The following MYO5B variants were observed in gnomAD, a reference collection of about 807,000 sequenced individuals.
MYO5B encodes unconventional myosin-Vb.
MYO5B carries 143 observed loss-of-function variants against 229.3 expected under a neutral mutation model. The observed-to-expected ratio is 0.62, with a 90% CI of 0.54 to 0.72. MYO5B has a LOEUF of 0.72. Ranked by LOEUF, MYO5B falls within the 30% of genes least tolerant of loss-of-function variation. MYO5B has a pLI of 0.00. For synonymous variants in MYO5B, 918 were observed against 885.2 expected (o/e 1.04, Z -0.66); for missense variants, 2,321 against 2,331.0 (o/e 1.00, Z 0.09).
chr18:50,134,537 A>G (rs1261704928), intron 1 of MYO5B, among the ~76,000 whole-genome samples: 4 of 150,926 alleles, frequency 2.7e-5, no homozygotes, highest in Non-Finnish European at 5.9e-5. Flanking sequence ...CCTGGGCGAT[A>G]GAGTGAGACT....
chr18:50,119,084 A>G (rs1052554786), intron 1 of MYO5B, among the ~76,000 whole-genome samples: 25 of 152,228 alleles, frequency 1.6e-4, no homozygotes, highest in African/African-American at 3.6e-4. Context: ...TTTAGCATGT[A>G]TAAGAATCAC....
chr18:50,074,121 T>A (rs997701181), intron 1 of MYO5B, among the ~76,000 whole-genome samples: 1 of 152,000 alleles, frequency 6.6e-6, no homozygotes, highest in Non-Finnish European at 1.5e-5. Flanking sequence ...CTGGGGAGGC[T>A]CAGAATCATG....
intron 31 of MYO5B, 26 bp downstream of exon 31, chr18:49,853,423 G>A (rs772742576): frequency 6.2e-7 from 1 of 1,613,024 alleles, no homozygotes; most frequent in Admixed American, 1.7e-5. Context: ...TCCCAAAGCT[G>A]GGGTCCACTA....
chr18:50,030,196 C>T (rs2026372147), intron 4 of MYO5B, among the ~76,000 whole-genome samples: 1 of 152,162 alleles, frequency 6.6e-6, no homozygotes, highest in Non-Finnish European at 1.5e-5. Context: ...AGCATTCCAT[C>T]CCCATCATTA....
intron 1 of MYO5B, among the ~76,000 whole-genome samples, chr18:50,161,365 C>A (rs1279304856): frequency 1.3e-5 from 2 of 152,142 alleles, no homozygotes; most frequent in Non-Finnish European, 2.9e-5. Flanking sequence ...GTCTGGACAA[C>A]AGGGCGAGAC....
At chr18:49,953,953 ATG>A (rs33921831) in intron 13 of MYO5B, among the ~76,000 whole-genome samples, 8,556 of 41,840 alleles carry the variant, frequency 0.2, 428 homozygotes, top group Middle Eastern at 0.31. Flanking sequence ...ATATACAGAC[ATG>A]TGTGTGTGTG....
At chr18:49,937,467 G>A (rs547156423) in intron 14 of MYO5B, 70 bp from the exon 15 acceptor site, 5 of 1,551,344 alleles carry the variant, frequency 3.2e-6, no homozygotes, top group Non-Finnish European at 4.4e-6. Context: ...TCTCAAAGCT[G>A]CTTTTCAACA....
intron 1 of MYO5B, among the ~76,000 whole-genome samples, chr18:50,131,283 T>G (rs2032250099): frequency 6.6e-6 from 1 of 152,246 alleles, no homozygotes; most frequent in Non-Finnish European, 1.5e-5. Context: ...ACCAACTCAC[T>G]GGCCTTTTGT....
At chr18:50,117,192 T>C (rs1490938268) in intron 1 of MYO5B, among the ~76,000 whole-genome samples, 3 of 152,106 alleles carry the variant, frequency 2.0e-5, no homozygotes, top group South Asian at 4.1e-4. Flanking sequence ...TAGGTGAATA[T>C]GAATATGACC....
intron 1 of MYO5B, among the ~76,000 whole-genome samples, chr18:50,130,098 C>T (rs901980607): frequency 2.0e-5 from 3 of 152,184 alleles, no homozygotes; most frequent in Admixed American, 2.0e-4. Context: ...ATTGATGCAA[C>T]CACAGCAAGG....
At chr18:50,122,998 C>A (rs2032095481) in intron 1 of MYO5B, among the ~76,000 whole-genome samples, 1 of 152,142 alleles carries the variant, frequency 6.6e-6, no homozygotes, top group Non-Finnish European at 1.5e-5. Flanking sequence ...AAAATAGGTA[C>A]TGAAATACTT....
intron 22 of MYO5B, among the ~76,000 whole-genome samples, chr18:49,884,364 CTAT>C (rs1227366783): frequency 6.6e-6 from 1 of 151,978 alleles, no homozygotes; most frequent in Non-Finnish European, 1.5e-5. Flanking sequence ...TACTTTATTT[CTAT>C]TATTATTACA....
chr18:50,151,039 C>G (rs779043148), intron 1 of MYO5B, among the ~76,000 whole-genome samples: 10 of 152,202 alleles, frequency 6.6e-5, no homozygotes, highest in African/African-American at 9.7e-5. Context: ...CTCTCAGGAG[C>G]CTTCCTCTGT....
chr18:50,030,499 T>C (rs1181398826), intron 4 of MYO5B, among the ~76,000 whole-genome samples: 2 of 147,058 alleles, frequency 1.4e-5, no homozygotes, highest in African/African-American at 4.9e-5. Flanking sequence ...CCCTGGAAGA[T>C]CATCAAATTC....
intron 14 of MYO5B, among the ~76,000 whole-genome samples, chr18:49,943,217 G>A (rs1391729463): frequency 1.7e-5 from 2 of 118,556 alleles, no homozygotes; most frequent in African/African-American, 3.2e-5. Context: ...GGACTGTTGT[G>A]GGGTGGGGGG....
At chr18:49,973,601 T>C (rs2025713787) in intron 10 of MYO5B, among the ~76,000 whole-genome samples, 1 of 152,210 alleles carries the variant, frequency 6.6e-6, no homozygotes, top group Non-Finnish European at 1.5e-5. Flanking sequence ...ACCCAGTTCG[T>C]GTTAACTTCA....
intron 5 of MYO5B, among the ~76,000 whole-genome samples, chr18:49,993,039 C>T (rs557252940): frequency 6.6e-6 from 1 of 152,116 alleles, no homozygotes; most frequent in Non-Finnish European, 1.5e-5. Context: ...CTTGGTATTT[C>T]TTCTGCAGCA....
chr18:49,845,349 G>A (rs1034116910), intron 33 of MYO5B, among the ~76,000 whole-genome samples: 2 of 152,194 alleles, frequency 1.3e-5, no homozygotes, highest in Non-Finnish European at 2.9e-5. Context: ...AAACCAAACA[G>A]CTGGAGCAAA....
chr18:49,894,397 ATC>A (rs1301283070), intron 22 of MYO5B, among the ~76,000 whole-genome samples: 1 of 152,140 alleles, frequency 6.6e-6, no homozygotes, highest in Admixed American at 6.5e-5. Flanking sequence ...GGAGCAGGGA[ATC>A]TCTATGCCCT....
Sources: allele counts gnomAD v4.1 joint callset (sites outside exome capture counted in the v4.1 genomes callset), GRCh38; gene constraint gnomAD v4.1.1; transcripts MANE v1.5; gene names NCBI Gene and HGNC (gene_info 2026-07-23, HGNC 2026-07-21).